The following CSMD1 variants were observed in gnomAD, a reference collection of about 807,000 sequenced individuals.
The protein encoded by CSMD1 is CUB and sushi domain-containing protein 1.
Under a neutral mutation model 417.5 loss-of-function variants are expected in CSMD1, and 213 were observed. That is an observed-to-expected ratio of 0.51 (90% CI 0.46 to 0.57). The LOEUF (loss-of-function observed/expected upper bound fraction) is 0.57, where lower values mean the gene tolerates loss of function less well. Ranked by LOEUF, CSMD1 falls within the 20% of genes least tolerant of loss-of-function variation. CSMD1 has a pLI of 0.00. For missense variants in CSMD1, 6,923 were observed against 4,529.7 expected, an observed-to-expected ratio of 1.53 and a Z score of -15.17; for synonymous variants, 2,862 against 1,736.8, an observed-to-expected ratio of 1.65 and a Z score of -16.11.
intron 2 of CSMD1, among the ~76,000 whole-genome samples, chr8:4,565,831 G>A (rs868822825): frequency 3.4e-4 from 40 of 118,988 alleles, no homozygotes; most frequent in Middle Eastern, 5.5e-3. Flanking sequence ...ACACAGACAC[G>A]CACACACACA....
chr8:4,401,276 G>A (rs979096394), intron 3 of CSMD1, among the ~76,000 whole-genome samples: 2 of 152,182 alleles, frequency 1.3e-5, no homozygotes, highest in Admixed American at 6.5e-5. Context: ...CTTGAAACCT[G>A]TAATCAAGTC....
At chr8:4,144,082 C>G (rs1803963883) in intron 3 of CSMD1, among the ~76,000 whole-genome samples, 1 of 151,148 alleles carries the variant, frequency 6.6e-6, no homozygotes, top group Non-Finnish European at 1.5e-5. Flanking sequence ...TTTTCCTTTC[C>G]ATTAACTTTA....
intron 26 of CSMD1, among the ~76,000 whole-genome samples, chr8:3,281,285 A>T (rs771685055): frequency 3.9e-5 from 6 of 152,062 alleles, no homozygotes; most frequent in Non-Finnish European, 5.9e-5. Flanking sequence ...TAGGCTAAAA[A>T]TACAAAAAAA....
At chr8:3,667,601 G>A (rs180841647) in intron 7 of CSMD1, among the ~76,000 whole-genome samples, 2 of 152,274 alleles carry the variant, frequency 1.3e-5, no homozygotes, top group East Asian at 1.9e-4. Context: ...AGATGATTTT[G>A]TGAGTGACAG....
intron 3 of CSMD1, among the ~76,000 whole-genome samples, chr8:4,394,468 C>A (rs1489872625): frequency 6.6e-6 from 1 of 152,258 alleles, no homozygotes; most frequent in African/African-American, 2.4e-5. Context: ...GAAAACTGCT[C>A]AGGTTCTCTC....
At chr8:2,964,014 G>A (rs1014614877) in intron 59 of CSMD1, among the ~76,000 whole-genome samples, 1 of 152,176 alleles carries the variant, frequency 6.6e-6, no homozygotes, top group Non-Finnish European at 1.5e-5. Flanking sequence ...CGAGGGTGAT[G>A]TCACGAGAGA....
rs569619245 is a variant in CSMD1 at position 4,288,978 on chromosome 8, T to C, written c.415+130975A>G. Among the ~76,000 whole-genome samples, 24 of 152,252 alleles carry C rather than the reference T, an allele frequency of 1.6e-4. No individual in the cohort carries two copies. In the South Asian group the frequency reaches 4.8e-3, roughly 30 times the overall value. On this transcript the variant is annotated intron_variant, in intron 3 of 69. Transcript: ENST00000635120. ...AGCTGTAAAAATGGTGATACGTGCA[T>C]AAAAATAATTTAAAAACACAGCACC...
chr8:4,173,512 G>C (rs1351047166), intron 3 of CSMD1, among the ~76,000 whole-genome samples: 1 of 151,950 alleles, frequency 6.6e-6, no homozygotes, highest in Non-Finnish European at 1.5e-5. Flanking sequence ...CGGTAGATGG[G>C]GATAAACACC....
intron 1 of CSMD1, among the ~76,000 whole-genome samples, chr8:4,744,349 C>T (rs1810815438): frequency 6.6e-6 from 1 of 152,172 alleles, no homozygotes; most frequent in Non-Finnish European, 1.5e-5. Context: ...CTAGCCACAA[C>T]TTCTTTCCAT....
At chr8:4,167,909 C>T (rs551289564) in intron 3 of CSMD1, among the ~76,000 whole-genome samples, 15 of 152,130 alleles carry the variant, frequency 9.9e-5, no homozygotes, top group African/African-American at 3.1e-4. Context: ...AGGCGGACTG[C>T]CTGAGGTCAG....
intron 5 of CSMD1, among the ~76,000 whole-genome samples, chr8:3,831,602 T>C (rs910460356): frequency 1.3e-5 from 2 of 152,180 alleles, no homozygotes; most frequent in African/African-American, 2.4e-5. Context: ...TCCTCTCTAA[T>C]ATTATAGCTT....
At chr8:4,742,418 C>G (rs1162160590) in intron 1 of CSMD1, among the ~76,000 whole-genome samples, 1 of 152,074 alleles carries the variant, frequency 6.6e-6, no homozygotes, top group East Asian at 1.9e-4. Flanking sequence ...ATGTCCTACT[C>G]TGGTCATTTT....
intron 3 of CSMD1, among the ~76,000 whole-genome samples, chr8:4,164,426 G>T (rs1797339767): frequency 6.6e-6 from 1 of 152,200 alleles, no homozygotes; most frequent in East Asian, 1.9e-4. Context: ...CTTGAGGGTT[G>T]CAGGTGACCT....
At chr8:4,653,047 A>C (rs1266792693) in intron 1 of CSMD1, among the ~76,000 whole-genome samples, 1 of 152,012 alleles carries the variant, frequency 6.6e-6, no homozygotes, top group Non-Finnish European at 1.5e-5. Context: ...ACCTGTCCTC[A>C]GTCCAGGGCT....
chr8:4,808,387 G>A (rs1403361923), intron 1 of CSMD1, among the ~76,000 whole-genome samples: 1 of 152,152 alleles, frequency 6.6e-6, no homozygotes, highest in Non-Finnish European at 1.5e-5. Context: ...AGACCCTTTT[G>A]CTAAGTTCTG....
chr8:3,660,796 C>A (rs1206987886), intron 7 of CSMD1, among the ~76,000 whole-genome samples: 1 of 152,274 alleles, frequency 6.6e-6, no homozygotes, highest in African/African-American at 2.4e-5. Flanking sequence ...GCTGGAATCA[C>A]AGGCGTGAGC....
At chr8:3,909,643 G>A (rs1401119085) in intron 5 of CSMD1, among the ~76,000 whole-genome samples, 2 of 152,096 alleles carry the variant, frequency 1.3e-5, no homozygotes, top group African/African-American at 2.4e-5. Flanking sequence ...CTGCAGGAAT[G>A]GGTGAAGAGT....
chr8:3,164,468 C>G (rs1446576424), intron 37 of CSMD1, among the ~76,000 whole-genome samples: 1 of 152,130 alleles, frequency 6.6e-6, no homozygotes, highest in African/African-American at 2.4e-5. Context: ...AGGCCTTTAA[C>G]TTCTTTTACT....
At chr8:3,063,730 A>G (rs1379381374) in intron 49 of CSMD1, among the ~76,000 whole-genome samples, 1 of 152,224 alleles carries the variant, frequency 6.6e-6, no homozygotes, top group African/African-American at 2.4e-5. Context: ...AGCCATAAAA[A>G]GACAAATACT....
Sources: gnomAD v4.1 joint callset for allele counts (sites outside exome capture counted in the v4.1 genomes callset) on GRCh38, gnomAD v4.1.1 for gene constraint, MANE v1.5 for transcripts, NCBI Gene and HGNC (gene_info 2026-07-23, HGNC 2026-07-21) for gene names.